The following PLEKHM1 variants were observed in gnomAD, a reference collection of about 807,000 sequenced individuals.
The protein encoded by PLEKHM1 is pleckstrin homology and RUN domain containing M1.
In PLEKHM1, 28 loss-of-function variants were observed where a neutral mutation model predicts 94.3. The ratio of observed to expected loss-of-function variants is 0.30; its 90% CI spans 0.22 to 0.41. The LOEUF is 0.41. Among genes scored for constraint, PLEKHM1 ranks in the 10% least tolerant of loss-of-function variants. The probability of loss-of-function intolerance (pLI) is 1.00; values close to 1 mark genes in which losing one functional copy is unlikely to be tolerated. For missense variants in PLEKHM1, 907 were observed against 1,358.6 expected, an observed-to-expected ratio of 0.67 and a Z score of 5.22; for synonymous variants, 424 against 581.2, an observed-to-expected ratio of 0.73 and a Z score of 3.89.
intron 3 of PLEKHM1, 49 bp downstream of exon 3, chr17:45,477,851 A>G (rs200262948): frequency 1.2e-6 from 2 of 1,607,962 alleles, no homozygotes; most frequent in Non-Finnish European, 1.7e-6. Flanking sequence ...CAAGTGTCCC[A>G]TAGTCTGCTG....
chr17:45,483,629 C>T lies in PLEKHM1; in HGVS notation c.-41-1104G>A, dbSNP rs1183921496. 3.3e-5 allele frequency among the ~76,000 whole-genome samples: 5 copies of T among 152,294 alleles called. No homozygotes were observed. In the East Asian group the frequency reaches 9.6e-4, roughly 29 times the overall value. ...GATGTCTGTCTCAGCTCTCAATCACCGCACAAAGAAGTTAACAAAACCAAG... is the reference window on the plus strand; with the variant it reads ...GATGTCTGTCTCAGCTCTCAATCACTGCACAAAGAAGTTAACAAAACCAAG... On this transcript the variant is annotated intron_variant, in intron 1 of 11. Coordinates refer to ENST00000430334, the MANE Select transcript of PLEKHM1 (RefSeq NM_014798.3).
At chr17:45,490,476 G>C (rs1170514708) in intron 1 of PLEKHM1, among the ~76,000 whole-genome samples, 176 bp downstream of exon 1, 1 of 152,146 alleles carries the variant, frequency 6.6e-6, no homozygotes, top group Non-Finnish European at 1.5e-5. Flanking sequence ...CAGGGGGAAG[G>C]CTGGGTCGGA....
chr17:45,439,519 T>C lies in PLEKHM1; in HGVS notation c.3017A>G (p.His1006Arg), dbSNP rs1222385880. 6.2e-7 allele frequency: 1 copy of C among 1,614,154 alleles called. No individual in the cohort carries two copies. Among genetic ancestry groups the C allele is most frequent in the Non-Finnish European group, 8.5e-7 (1 of 1,180,066 alleles). The change falls in exon 11 of 12, where the codon CAC becomes CGC. Residue 1006 changes from histidine to arginine, a missense_variant. Physicochemically the swap from His to Arg is conservative, Grantham distance 29. Transcript: ENST00000430334. The part of the protein sequence containing the change: ...QRGFICQICQ[H>R]HDIIFPFEFD... ...CTCAAAGGGGAAGATGATGTCGTGG[T>C]GCTGGCAGATCTGGCAGATGAAGCC... is the stretch of plus-strand genomic sequence containing the variant.
intron 5 of PLEKHM1, among the ~76,000 whole-genome samples, chr17:45,466,405 C>T (rs1207134036): frequency 1.3e-5 from 2 of 152,112 alleles, no homozygotes; most frequent in African/African-American, 2.4e-5. Flanking sequence ...ATAAACTGCA[C>T]ATCATTAAAA....
intron 8 of PLEKHM1, among the ~76,000 whole-genome samples, chr17:45,447,683 G>A (rs959386249): frequency 2.0e-5 from 3 of 152,104 alleles, no homozygotes; most frequent in Admixed American, 2.0e-4. Flanking sequence ...CAAACCCGTG[G>A]GCCCCCTACT....
chr17:45,490,585 C>A (rs921272318), intron 1 of PLEKHM1, 67 bp downstream of exon 1: 2 of 415,980 alleles, frequency 4.8e-6, no homozygotes, highest in Non-Finnish European at 9.8e-6. Flanking sequence ...GGAGGCCCAC[C>A]GCCCGTTCGC....
In PLEKHM1 at chr17:45,436,586, G is replaced by A. The variant is rs1471716466; in HGVS notation, c.*1272C>T. ...CTAGGTCCAGGAGAGGTGGGGGAAG[G>A]CGACAGAGAGACCAGCAAACCCACA... On this transcript the variant is annotated 3_prime_UTR_variant, in exon 12 of 12. Transcript: ENST00000430334. 6.6e-6 allele frequency: 3 copies of A among 453,376 alleles called. No homozygotes were observed. Among genetic ancestry groups the A allele is most frequent in the East Asian group, 1.4e-4 (2 of 14,396 alleles). 28.1% of individuals were successfully genotyped at this position (453,376 alleles called of 1,614,324 possible).
Position 45,462,579 on chromosome 17 carries a change from C to G in PLEKHM1, c.1309-4140G>C, listed in dbSNP as rs573772897. 5.9e-5 allele frequency among the ~76,000 whole-genome samples: 9 copies of G among 152,230 alleles called. No homozygotes were observed. The East Asian group carries it at 1.5e-3, about 26-fold the overall frequency. ...CCACCCCCTAGCTGGGTTAGGGCCCCTACTGGGATCCCACAATATTCTGTG... is the reference window on the plus strand; with the variant it reads ...CCACCCCCTAGCTGGGTTAGGGCCCGTACTGGGATCCCACAATATTCTGTG... On this transcript the variant is annotated intron_variant, in intron 5 of 11. Coordinates refer to ENST00000430334, the MANE Select transcript of PLEKHM1 (RefSeq NM_014798.3).
intron 1 of PLEKHM1, among the ~76,000 whole-genome samples, chr17:45,483,334 A>G (rs1281247555): frequency 6.6e-6 from 1 of 151,768 alleles, no homozygotes; most frequent in Non-Finnish European, 1.5e-5. Flanking sequence ...CAAGAATGTC[A>G]TCACCTAAAT....
At chr17:45,465,729 A>G (rs1409753478) in intron 5 of PLEKHM1, among the ~76,000 whole-genome samples, 1 of 151,972 alleles carries the variant, frequency 6.6e-6, no homozygotes, top group Non-Finnish European at 1.5e-5. Context: ...TTTTTTTTTA[A>G]AAGAAGCCTG....
chr17:45,449,356 G>T (rs1165708240), intron 8 of PLEKHM1, among the ~76,000 whole-genome samples: 1 of 147,260 alleles, frequency 6.8e-6, no homozygotes, highest in African/African-American at 2.5e-5. Flanking sequence ...CTAGCCATCT[G>T]CCCATTCACC....
Position 45,478,114 on chromosome 17 carries a change from C to G in PLEKHM1, c.82G>C (p.Ala28Pro). 1.2e-6 allele frequency: 2 copies of G among 1,614,236 alleles called. No individual in the cohort carries two copies. Among genetic ancestry groups the G allele is most frequent in the Non-Finnish European group, 1.7e-6 (2 of 1,180,046 alleles). Residue 28 changes from alanine (A) to proline (P), a missense_variant, in exon 3 of 12, where the codon GCC becomes CCC. By Grantham distance (27) the Ala-to-Pro change is conservative. Coordinates refer to ENST00000430334, the MANE Select transcript of PLEKHM1 (RefSeq NM_014798.3). ...AGGGACACGTACTGCTTCTGCAAGG[C>G]CTTCACGGATCCCACCAGCTTCTTC... ...IKKKLVGSVK[A>P]LQKQYVSLDT...
chr17:45,468,141 T>A lies in PLEKHM1; in HGVS notation c.1308+68A>T. On this transcript the variant is annotated intron_variant, in intron 5 of 11. Coordinates refer to ENST00000430334, the MANE Select transcript of PLEKHM1 (RefSeq NM_014798.3). ...AAAGGCAGAGACCACTCAGGGTCAC[T>A]AGCTGGGGAAACCCTGTGTCAGCTG... 1.9e-6 allele frequency: 3 copies of A among 1,605,702 alleles called. No homozygotes were observed. The South Asian group carries it at 3.3e-5, about 18-fold the overall frequency.
Position 45,464,514 on chromosome 17 carries a change from C to T in PLEKHM1, c.1308+3695G>A, listed in dbSNP as rs1973764. ...GGCAGACATGCAGGGCACAGCCTGG[C>T]ACTGTCCACAGGCCAGGAGCCCAGC... On this transcript the variant is annotated intron_variant, in intron 5 of 11. Coordinates refer to ENST00000430334, the MANE Select transcript of PLEKHM1 (RefSeq NM_014798.3). Among the ~76,000 whole-genome samples, 935 of 152,270 alleles carry T rather than the reference C, an allele frequency of 6.1e-3. 6 individuals carry two copies. Among genetic ancestry groups the T allele is most frequent in the African/African-American group, 0.021 (890 of 41,534 alleles).
intron 11 of PLEKHM1, among the ~76,000 whole-genome samples, chr17:45,439,243 G>A (rs1326657075): frequency 1.3e-5 from 2 of 152,258 alleles, no homozygotes; most frequent in African/African-American, 4.8e-5. Flanking sequence ...GTTCCATAGA[G>A]GCAGAGGAGT....
intron 8 of PLEKHM1, among the ~76,000 whole-genome samples, chr17:45,449,656 A>G (rs994083863): frequency 2.0e-5 from 3 of 151,220 alleles, no homozygotes; most frequent in Admixed American, 2.0e-4. Flanking sequence ...CCACCTAACC[A>G]TCCACCTAGC....
At position 45,437,863 on chromosome 17, in the gene PLEKHM1, C is replaced by A. The variant is rs571630488; in HGVS notation, c.3166G>T (p.Ala1056Ser). The stretch of plus-strand genomic sequence containing the variant: ...GCGGGGTCAGCAGATGGGCATCAGG[C>A]GAAAATGTTCTGTTCCTGGTACTTG... ...RRKYQEQNIF[A>S] The change falls in exon 12 of 12, where the codon GCC (alanine) becomes TCC (serine). Residue 1056 changes from alanine (A) to serine (S), a missense_variant. Around this residue, in one of 3 missense-constraint regions of PLEKHM1, gnomAD observed 254 missense variants for 451.1 expected, o/e 0.56. Transcript: ENST00000430334. The surrounding 1 kb of genome is among the most constrained non-coding windows in gnomAD (Gnocchi z 4.0). 3 of 1,613,454 alleles carry A rather than the reference C, an allele frequency of 1.9e-6. No homozygotes were observed. Among genetic ancestry groups the A allele is most frequent in the Non-Finnish European group, 2.5e-6 (3 of 1,179,558 alleles).
At chr17:45,484,343 T>C (rs2052045665) in intron 1 of PLEKHM1, among the ~76,000 whole-genome samples, 1 of 152,206 alleles carries the variant, frequency 6.6e-6, no homozygotes, top group African/African-American at 2.4e-5. Flanking sequence ...TTACCATCTA[T>C]TCTCTTGAAG....
downstream of PLEKHM1, among the ~76,000 whole-genome samples, chr17:45,434,967 CAAAAAAAAA>C (rs11369025): frequency 3.7e-4 from 36 of 98,114 alleles, no homozygotes; most frequent in African/African-American, 1.3e-3. Context: ...AGACTGTATC[CAAAAAAAAA>C]AAAAAAAAAA....
Sources: gnomAD v4.1 joint callset for allele counts (sites outside exome capture counted in the v4.1 genomes callset) on GRCh38, gnomAD v4.1.1 for gene constraint, gnomAD v4.1.1 regional missense constraint, Gnocchi (gnomAD v3.1) non-coding constraint, MANE v1.5 for transcripts, NCBI Gene and HGNC (gene_info 2026-07-23, HGNC 2026-07-21) for gene names.